LRRIQ1: variants seen among roughly 807,000 people sequenced by gnomAD.
LRRIQ1 encodes leucine rich repeats and IQ motif containing 1.
LRRIQ1 carries 210 observed loss-of-function variants against 211.9 expected under a neutral mutation model. The observed-to-expected ratio is 0.99, with a 90% CI of 0.89 to 1.11. The LOEUF is 1.11. LRRIQ1 is among the 50% of genes most tolerant of loss of function. LRRIQ1 has a pLI of 0.00. For synonymous variants in LRRIQ1, 699 were observed against 650.1 expected (o/e 1.08, Z -1.14); for missense variants, 2,136 against 1,939.5 (o/e 1.10, Z -1.90).
chr12:85,243,686 A>C (rs189382601), intron 26 of LRRIQ1, among the ~76,000 whole-genome samples: 13 of 151,712 alleles, frequency 8.6e-5, no homozygotes, highest in African/African-American at 2.9e-4. Flanking sequence ...AGACCAAATA[A>C]ACAGGGAAAA....
chr12:85,165,661 G>A (rs1021828290), intron 24 of LRRIQ1, among the ~76,000 whole-genome samples: 1 of 151,850 alleles, frequency 6.6e-6, no homozygotes, highest in African/African-American at 2.4e-5. Flanking sequence ...TTTTAGTAGA[G>A]ACGGGGTTTC....
At chr12:85,196,468 C>A (rs1014223997) in intron 24 of LRRIQ1, among the ~76,000 whole-genome samples, 1 of 150,618 alleles carries the variant, frequency 6.6e-6, no homozygotes, top group Admixed American at 6.6e-5. Context: ...GGTACTGGTA[C>A]CAAAACAGAG....
Position 85,235,225 on chromosome 12 carries a change from T to C in LRRIQ1, c.5016+2469T>C, listed in dbSNP as rs73365734. Among the ~76,000 whole-genome samples the C allele has an allele frequency of 8.8e-3, 1,340 of 152,286 alleles. 22 individuals are homozygous for C. The highest frequency in any genetic ancestry group is 0.031 in the African/African-American group (1,307 of 41,560). On this transcript the variant is annotated intron_variant, in intron 26 of 26. Coordinates refer to ENST00000393217, the MANE Select transcript of LRRIQ1 (RefSeq NM_001079910.2). ...TTTACATCCAAAAATATATCAGAAG[T>C]CACGTCAAATATATAGACAATTTTA...
downstream of LRRIQ1, among the ~76,000 whole-genome samples, chr12:85,245,550 A>G (rs569235697): frequency 5.3e-5 from 8 of 149,774 alleles, no homozygotes; most frequent in South Asian, 1.7e-3. Context: ...GAAAGAATAT[A>G]AAAATAATGA....
At chr12:85,147,939 A>G (rs1419228573) in intron 19 of LRRIQ1, among the ~76,000 whole-genome samples, 1 of 151,750 alleles carries the variant, frequency 6.6e-6, no homozygotes, top group Non-Finnish European at 1.5e-5. Flanking sequence ...GCTTTTCCAT[A>G]GGAGTGTACC....
intron 13 of LRRIQ1, among the ~76,000 whole-genome samples, chr12:85,102,820 A>G (rs1341405298): frequency 2.0e-5 from 3 of 151,280 alleles, no homozygotes; most frequent in African/African-American, 7.3e-5. Flanking sequence ...CACGAAAGCA[A>G]TAAAAGTGAA....
intron 24 of LRRIQ1, among the ~76,000 whole-genome samples, chr12:85,165,970 C>T (rs2136769993): frequency 6.6e-6 from 1 of 152,268 alleles, no homozygotes; most frequent in East Asian, 1.9e-4. Context: ...AATAGGATTG[C>T]TGTGTCGAAT....
chr12:85,264,779 C>G (rs1896387400), downstream of LRRIQ1, among the ~76,000 whole-genome samples: 1 of 151,958 alleles, frequency 6.6e-6, no homozygotes, highest in African/African-American at 2.4e-5. Flanking sequence ...AGTGATGGAC[C>G]TAGGCAATGT....
At chr12:85,081,091 G>T (rs1228130022) in intron 11 of LRRIQ1, among the ~76,000 whole-genome samples, 1 of 152,000 alleles carries the variant, frequency 6.6e-6, no homozygotes, top group Non-Finnish European at 1.5e-5. Context: ...ACTCTTAAGG[G>T]ATAGTGCATG....
At position 85,116,885 on chromosome 12, in the gene LRRIQ1, T is replaced by C. The variant is rs558446426; in HGVS notation, c.3378-4812T>C. Among the ~76,000 whole-genome samples the C allele has an allele frequency of 4.3e-5, 6 of 140,736 alleles. No individual in the cohort carries two copies. The South Asian group carries it at 1.1e-3, about 26-fold the overall frequency. The allele number at this position is 140,736 out of a possible 152,430, so 92.3% of individuals were successfully genotyped here. ...TACCACAAAGGACATGATCTCGTTC[T>C]TTTTTTTTTTTTATGGCTGCATATA... is the stretch of plus-strand genomic sequence containing the variant. On this transcript the variant is annotated intron_variant, in intron 15 of 26. Coordinates refer to ENST00000393217, the MANE Select transcript of LRRIQ1 (RefSeq NM_001079910.2).
downstream of LRRIQ1, among the ~76,000 whole-genome samples, chr12:85,248,286 G>A (rs554121882): frequency 3.3e-5 from 5 of 151,612 alleles, no homozygotes; most frequent in South Asian, 8.3e-4. Context: ...ACAAAAATTA[G>A]CAAAGAAGAG....
chr12:85,074,198 T>G (rs567991274), intron 11 of LRRIQ1, among the ~76,000 whole-genome samples: 152 of 152,150 alleles, frequency 1.0e-3, no homozygotes, highest in African/African-American at 3.6e-3. Context: ...TTTAAGGCAA[T>G]TTATTTGAAA....
chr12:85,040,109 T>C (rs1224580988), intron 2 of LRRIQ1, among the ~76,000 whole-genome samples: 1 of 151,604 alleles, frequency 6.6e-6, no homozygotes, highest in Non-Finnish European at 1.5e-5. Flanking sequence ...TAGTTTGATA[T>C]TAAATATTTT....
At chr12:85,158,548 G>GCTAACTAAAT (rs1890685910) in intron 23 of LRRIQ1, among the ~76,000 whole-genome samples, 1 of 151,796 alleles carries the variant, frequency 6.6e-6, no homozygotes, top group African/African-American at 2.4e-5. Flanking sequence ...TTAATAATAT[G>GCTAACTAAAT]GATACTCTAA....
rs190195198 is a variant in LRRIQ1 at position 85,201,123 on chromosome 12, G to T, written c.4823-28394G>T. Among the ~76,000 whole-genome samples, 8 of 151,966 alleles carry T rather than the reference G, an allele frequency of 5.3e-5. No individual in the cohort carries two copies. In the East Asian group the frequency reaches 1.4e-3, roughly 26 times the overall value. On this transcript the variant is annotated intron_variant, in intron 24 of 26. Coordinates refer to ENST00000393217, the MANE Select transcript of LRRIQ1 (RefSeq NM_001079910.2). ...TGAGTTTACAGTCATGAGCCACCAC[G>T]CCTGGCCGATGGTTTAGCTTTTTGA...
chr12:85,263,844 T>A (rs1279706789), exon 2 of LRRIQ1: 1 of 152,020 alleles, frequency 6.6e-6, no homozygotes, highest in Non-Finnish European at 1.5e-5. Context: ...ATTAACCTAT[T>A]TTCTAAAATT....
At chr12:85,125,904 CA>C (rs1427199227) in intron 17 of LRRIQ1, among the ~76,000 whole-genome samples, 4 of 151,892 alleles carry the variant, frequency 2.6e-5, no homozygotes, top group Non-Finnish European at 5.9e-5. Flanking sequence ...ACTAAAGACC[CA>C]AAGAATAAAC....
intron 10 of LRRIQ1, among the ~76,000 whole-genome samples, chr12:85,070,117 A>G (rs1882924999): frequency 6.6e-6 from 1 of 152,012 alleles, no homozygotes; most frequent in Admixed American, 6.6e-5. Flanking sequence ...TATAAATTGA[A>G]GTTAGTTAAA....
downstream of LRRIQ1, among the ~76,000 whole-genome samples, chr12:85,269,180 A>C (rs1447569924): frequency 6.6e-6 from 1 of 151,980 alleles, no homozygotes; most frequent in Non-Finnish European, 1.5e-5. Flanking sequence ...TTAGTGGAAA[A>C]TGTGAGTGGG....
Sources: gnomAD v4.1 joint callset for allele counts (sites outside exome capture counted in the v4.1 genomes callset) on GRCh38, gnomAD v4.1.1 for gene constraint, MANE v1.5 for transcripts, NCBI Gene and HGNC (gene_info 2026-07-23, HGNC 2026-07-21) for gene names.